DST: variants seen among roughly 807,000 people sequenced by gnomAD.
The protein encoded by DST is dystonin, also known as bullous pemphigoid antigen.
DST carries 253 observed loss-of-function variants against 875.2 expected under a neutral mutation model. The ratio of observed to expected loss-of-function variants is 0.29; its 90% CI spans 0.26 to 0.32. DST has a LOEUF of 0.32. Ranked by LOEUF, DST falls within the 10% of genes least tolerant of loss-of-function variation. The pLI, the probability that DST is intolerant of heterozygous loss-of-function variation, is 1.00. For missense variants in DST, 8,287 were observed against 9,111.6 expected (o/e 0.91, Z 3.68); for synonymous variants, 3,124 against 3,197.1 (o/e 0.98, Z 0.77).
In DST at chr6:56,812,754, C is replaced by T. The variant is rs147957110; in HGVS notation, c.625+38643G>A. 3.1e-3 allele frequency among the ~76,000 whole-genome samples: 471 copies of T among 152,138 alleles called. 2 individuals are homozygous for T. Among genetic ancestry groups the T allele is most frequent in the African/African-American group, 0.011 (456 of 41,522 alleles). ...CATTTAATTTAAAATGTCCACTTAA[C>T]GAGAAATAGGAACACTTTTACACTG... On this transcript the variant is annotated intron_variant, in intron 4 of 103. Transcript: ENST00000680361.
At chr6:56,631,421 G>A (rs998061445) in intron 29 of DST, 32 bp from the exon 30 acceptor site, 7 of 1,588,022 alleles carry the variant, frequency 4.4e-6, no homozygotes, top group Non-Finnish European at 6.0e-6. Context: ...AAGGTATCAG[G>A]CCATCACCTG....
chr6:56,645,558 C>T (rs1156231206), intron 15 of DST, among the ~76,000 whole-genome samples: 1 of 152,086 alleles, frequency 6.6e-6, no homozygotes, highest in Non-Finnish European at 1.5e-5. Flanking sequence ...CTTTTAGATC[C>T]AGGCCCTGGT....
In DST at chr6:56,573,886, A is replaced by G. The variant is rs1402329358; in HGVS notation, c.13029T>C (p.Asp4343=). The change falls in exon 51 of 104, where the codon GAT becomes GAC. Residue 4343 remains aspartate (D), a splice_region_variant and synonymous_variant. Coordinates refer to ENST00000680361, the MANE Select transcript of DST (RefSeq NM_001374736.1). ...PAKNDIQKTL[D]DIVGRYEDLS... ...GATCCTCATATCTCCCAACAATGTCATCTACTCCAAACAGATCAGGAATAT... is the reference window on the plus strand; with the variant it reads ...GATCCTCATATCTCCCAACAATGTCGTCTACTCCAAACAGATCAGGAATAT... The G allele has an allele frequency of 3.1e-6, 5 of 1,610,488 alleles. No individual in the cohort carries two copies. The Middle Eastern group carries it at 5.0e-4, about 160-fold the overall frequency.
At chr6:56,870,991 A>G (rs1776821868) in intron 3 of DST, among the ~76,000 whole-genome samples, 1 of 152,146 alleles carries the variant, frequency 6.6e-6, no homozygotes, top group Admixed American at 6.5e-5. Context: ...TGAACAAAGA[A>G]TATGTATATA....
chr6:56,660,826 A>T (rs2099036551), intron 10 of DST, among the ~76,000 whole-genome samples: 2 of 151,894 alleles, frequency 1.3e-5, no homozygotes, highest in Non-Finnish European at 2.9e-5. Context: ...GATGAGAAAC[A>T]GTATATTTTT....
intron 2 of DST, among the ~76,000 whole-genome samples, chr6:56,907,554 G>C (rs1445056191): frequency 2.6e-5 from 4 of 152,174 alleles, no homozygotes; most frequent in Non-Finnish European, 5.9e-5. Flanking sequence ...GAAAAGCCCA[G>C]ATTAGAACCC....
At chr6:56,848,292 T>C (rs1186696925) in intron 4 of DST, among the ~76,000 whole-genome samples, 2 of 152,340 alleles carry the variant, frequency 1.3e-5, no homozygotes, top group South Asian at 2.1e-4. Context: ...TTTGACTCAA[T>C]AGACACTTTC....
intron 38 of DST, 83 bp downstream of exon 38, chr6:56,611,425 A>T: frequency 1.1e-6 from 1 of 899,544 alleles, no homozygotes; most frequent in Non-Finnish European, 1.8e-6. Context: ...CATTGCAATT[A>T]AAATTTACCA....
intron 5 of DST, among the ~76,000 whole-genome samples, chr6:56,708,934 T>G (rs2099351670): frequency 6.6e-6 from 1 of 152,218 alleles, no homozygotes. Context: ...ATCCCTAACA[T>G]TCCATTTTCA....
At chr6:56,495,809 G>A in intron 82 of DST, among the ~76,000 whole-genome samples, 1 of 152,086 alleles carries the variant, frequency 6.6e-6, no homozygotes, top group East Asian at 1.9e-4. Context: ...CACCGAATTA[G>A]TAGGACTTAC....
intron 87 of DST, among the ~76,000 whole-genome samples, chr6:56,486,135 G>C (rs571948308): frequency 6.6e-6 from 1 of 151,912 alleles, no homozygotes; most frequent in Admixed American, 6.5e-5. Context: ...AGGCCGAGGC[G>C]GGCGGATCAC....
intron 69 of DST, among the ~76,000 whole-genome samples, chr6:56,519,506 A>ACC (rs762025220): frequency 3.3e-5 from 5 of 151,986 alleles, no homozygotes; most frequent in Non-Finnish European, 7.4e-5. Flanking sequence ...CTGGGCTTCC[A>ACC]CCCCCACTAA....
intron 83 of DST, among the ~76,000 whole-genome samples, chr6:56,493,659 C>T (rs1338511773): frequency 6.6e-6 from 1 of 151,970 alleles, no homozygotes; most frequent in Non-Finnish European, 1.5e-5. Context: ...CTTGCTTTCC[C>T]TCTCTCCCTC....
intron 4 of DST, among the ~76,000 whole-genome samples, chr6:56,749,551 T>C (rs1227878966): frequency 1.3e-5 from 2 of 152,112 alleles, no homozygotes; most frequent in Non-Finnish European, 2.9e-5. Flanking sequence ...ATATAAGAAG[T>C]TCCATTTTTC....
rs748679074 is a variant in DST at position 56,735,203 on chromosome 6, G to A, written c.687+25C>T. The A allele has an allele frequency of 3.4e-6, 5 of 1,467,342 alleles. No homozygotes were observed. The South Asian group carries it at 6.2e-5, about 18-fold the overall frequency. The allele number at this position is 1,467,342 out of a possible 1,614,324, so 90.9% of individuals were successfully genotyped here. ...AACTGAAATATTCCAAACAATTCCA[G>A]GAAGTGAACGAAATAAAAACTGACC... is the stretch of plus-strand genomic sequence containing the variant. On this transcript the variant is annotated intron_variant, in intron 5 of 103. Coordinates refer to ENST00000680361, the MANE Select transcript of DST (RefSeq NM_001374736.1).
chr6:56,673,189 G>A (rs1411116414), intron 9 of DST, among the ~76,000 whole-genome samples: 4 of 152,094 alleles, frequency 2.6e-5, no homozygotes, highest in African/African-American at 9.7e-5. Flanking sequence ...AGGCTGTAGT[G>A]AGCCATGATC....
chr6:56,571,516 C>T (rs112866019), intron 53 of DST, among the ~76,000 whole-genome samples: 211 of 152,234 alleles, frequency 1.4e-3, no homozygotes, highest in African/African-American at 4.7e-3. Context: ...TAGCAAAATC[C>T]GATGTATATT....
intron 3 of DST, among the ~76,000 whole-genome samples, chr6:56,879,391 A>G (rs1780986867): frequency 1.3e-5 from 2 of 152,066 alleles, no homozygotes; most frequent in Non-Finnish European, 2.9e-5. Flanking sequence ...GAATGGCAGG[A>G]ACCCGGGAGG....
chr6:56,515,245 C>T (rs2096566563), intron 72 of DST, among the ~76,000 whole-genome samples: 2 of 123,826 alleles, frequency 1.6e-5, no homozygotes, highest in South Asian at 2.9e-4. Context: ...TAATTAATGA[C>T]ATATACAACA....
Sources: allele counts gnomAD v4.1 joint callset (sites outside exome capture counted in the v4.1 genomes callset), GRCh38; gene constraint gnomAD v4.1.1; transcripts MANE v1.5; gene names NCBI Gene and HGNC (gene_info 2026-07-23, HGNC 2026-07-21).